Variants in TLN2 observed in about 807,000 individuals in gnomAD.
TLN2 encodes talin 2.
In TLN2, 118 loss-of-function variants were observed where a neutral mutation model predicts 294.7. That is an observed-to-expected ratio of 0.40 (90% confidence interval 0.34 to 0.47). The LOEUF (loss-of-function observed/expected upper bound fraction) is 0.47. Ranked by LOEUF, TLN2 falls within the 20% of genes least tolerant of loss-of-function variation. The pLI, the probability that TLN2 is intolerant of heterozygous loss-of-function variation, is 0.84. For missense variants in TLN2, 3,083 were observed against 3,282.2 expected, an observed-to-expected ratio of 0.94 and a Z score of 1.48; for synonymous variants, 1,431 against 1,304.5, an observed-to-expected ratio of 1.10 and a Z score of -2.09.
intron 20 of TLN2, 63 bp downstream of exon 20, chr15:62,707,316 C>T (rs1451707524): frequency 1.3e-6 from 2 of 1,506,054 alleles, no homozygotes; most frequent in Middle Eastern, 1.8e-4. Context: ...TGCCTCCAGG[C>T]ATTTGGTGTG....
chr15:62,542,346 C>G (rs192668202), intron 1 of TLN2, among the ~76,000 whole-genome samples: 1 of 127,726 alleles, frequency 7.8e-6, no homozygotes, highest in African/African-American at 3.4e-5. Flanking sequence ...CGCCTGCCAC[C>G]GTACCTGGCT....
In TLN2 at chr15:62,755,498, T is replaced by C. The variant is rs369113006; in HGVS notation, c.4477-34T>C. ...GGGTGGACCCCTCTGCACTGTAGCA[T>C]GGGGTACCCCCAACCTAGCTCCATG... On this transcript the variant is annotated intron_variant, in intron 36 of 58. Coordinates refer to ENST00000636159, the MANE Select transcript of TLN2 (RefSeq NM_015059.3). 9.3e-6 allele frequency: 15 copies of C among 1,610,116 alleles called. No individual in the cohort carries two copies. The African/African-American group carries it at 1.9e-4, about 20-fold the overall frequency.
chr15:62,698,369 G>C (rs546127860), intron 15 of TLN2, among the ~76,000 whole-genome samples: 33 of 152,326 alleles, frequency 2.2e-4, no homozygotes, highest in Middle Eastern at 3.4e-3. Context: ...TTTAGATGGA[G>C]TCCTTAAGTG....
chr15:62,813,241 G>A (rs567115959), intron 52 of TLN2, among the ~76,000 whole-genome samples: 21 of 152,168 alleles, frequency 1.4e-4, no homozygotes, highest in African/African-American at 5.1e-4. Flanking sequence ...CTTAAATCTT[G>A]TGTGTTACAA....
intron 9 of TLN2, among the ~76,000 whole-genome samples, chr15:62,662,142 A>G (rs1246534144): frequency 1.3e-5 from 2 of 152,128 alleles, no homozygotes; most frequent in Non-Finnish European, 2.9e-5. Flanking sequence ...CTGGCTCTTT[A>G]AAAAACTTAA....
intron 1 of TLN2, among the ~76,000 whole-genome samples, chr15:62,432,638 T>C (rs775597303): frequency 1.3e-5 from 2 of 152,234 alleles, no homozygotes; most frequent in Non-Finnish European, 2.9e-5. Context: ...TTTAATTTAA[T>C]TTTTAAATGT....
At chr15:62,793,166 A>C (rs2065199334) in intron 46 of TLN2, among the ~76,000 whole-genome samples, 1 of 152,124 alleles carries the variant, frequency 6.6e-6, no homozygotes. Context: ...CTTTCTTCTC[A>C]AGGAGGCTGC....
At chr15:62,753,575 C>T (rs563471111) in intron 35 of TLN2, among the ~76,000 whole-genome samples, 198 bp from the exon 36 acceptor site, 13 of 152,342 alleles carry the variant, frequency 8.5e-5, no homozygotes, top group Admixed American at 8.5e-4. Context: ...CTGTGATAAA[C>T]TACTTCTGGT....
At chr15:62,740,211 G>A (rs977063182) in intron 31 of TLN2, among the ~76,000 whole-genome samples, 1 of 152,040 alleles carries the variant, frequency 6.6e-6, no homozygotes, top group African/African-American at 2.4e-5. Context: ...TCTGAATATC[G>A]AGACAGTGCT....
At chr15:62,540,385 G>A (rs2041613294) in intron 1 of TLN2, among the ~76,000 whole-genome samples, 1 of 143,978 alleles carries the variant, frequency 6.9e-6, no homozygotes, top group Non-Finnish European at 1.5e-5. Context: ...ACATGAGTAA[G>A]CGTCTTGGCC....
intron 43 of TLN2, 136 bp downstream of exon 43, chr15:62,777,046 C>A: frequency 1.4e-6 from 1 of 738,252 alleles, no homozygotes; most frequent in Non-Finnish European, 1.9e-6. Flanking sequence ...GTACAGATAT[C>A]CAGTCACATG....
At chr15:62,591,077 G>T (rs1406876720) in intron 2 of TLN2, among the ~76,000 whole-genome samples, 2 of 151,292 alleles carry the variant, frequency 1.3e-5, no homozygotes, top group Non-Finnish European at 2.9e-5. Context: ...TTTGTATTTT[G>T]TGTGTGGAAT....
At chr15:62,722,946 G>C (rs1419434095) in intron 26 of TLN2, among the ~76,000 whole-genome samples, 1 of 152,110 alleles carries the variant, frequency 6.6e-6, no homozygotes, top group Non-Finnish European at 1.5e-5. Context: ...TTTTTGCCCT[G>C]CAAAGTTTTC....
chr15:62,829,103 T>C (rs1444872600), intron 54 of TLN2: 1 of 150,040 alleles, frequency 6.7e-6, no homozygotes, highest in Non-Finnish European at 1.5e-5. Flanking sequence ...TTATTTATTT[T>C]TCTTTAAAAT....
chr15:62,568,470 G>A (rs1230469800), intron 1 of TLN2, among the ~76,000 whole-genome samples: 1 of 152,146 alleles, frequency 6.6e-6, no homozygotes, highest in Non-Finnish European at 1.5e-5. Flanking sequence ...GAAAAGGTAG[G>A]GAGTGATGAA....
At chr15:62,505,765 T>G (rs780142) in intron 1 of TLN2, among the ~76,000 whole-genome samples, 57,627 of 152,078 alleles carry the variant, frequency 0.38, 12,267 homozygotes, top group African/African-American at 0.57. Flanking sequence ...ATGAGGAAGG[T>G]GGAAGGAAGT....
intron 1 of TLN2, among the ~76,000 whole-genome samples, chr15:62,515,947 C>G (rs558681298): frequency 6.6e-6 from 1 of 152,304 alleles, no homozygotes; most frequent in East Asian, 1.9e-4. Flanking sequence ...TGCTGAACCC[C>G]CTATGCAACA....
chr15:62,708,562 C>T lies in TLN2; in HGVS notation c.2233C>T (p.Leu745=), dbSNP rs2059216222. 1 of 1,614,188 alleles carries T rather than the reference C, an allele frequency of 6.2e-7. No individual in the cohort carries two copies. Among genetic ancestry groups the T allele is most frequent in the South Asian group, 1.1e-5 (1 of 91,080 alleles). ...GGAGCAGCTGATTGAAGCAGGGAAGCTGGTGGACCGCTCGGTGGAGAACTG... is the reference window on the plus strand; with the variant it reads ...GGAGCAGCTGATTGAAGCAGGGAAGTTGGTGGACCGCTCGGTGGAGAACTG... The part of the protein sequence containing the change: ...CQEQLIEAGK[L]VDRSVENCVR... Residue 745 remains leucine (L), a synonymous_variant, in exon 21 of 59, where the codon CTG becomes TTG. Coordinates refer to ENST00000636159, the MANE Select transcript of TLN2 (RefSeq NM_015059.3).
At chr15:62,826,570 A>G (rs2068219410) in intron 54 of TLN2, among the ~76,000 whole-genome samples, 2 of 152,164 alleles carry the variant, frequency 1.3e-5, no homozygotes, top group South Asian at 4.1e-4. Flanking sequence ...GGCAGTCCTG[A>G]AGCCACCCCA....
Sources: gnomAD v4.1 joint callset for allele counts (sites outside exome capture counted in the v4.1 genomes callset) on GRCh38, gnomAD v4.1.1 for gene constraint, MANE v1.5 for transcripts, NCBI Gene and HGNC (gene_info 2026-07-23, HGNC 2026-07-21) for gene names.